CCDC88C: variants seen among roughly 807,000 people sequenced by gnomAD.
The protein encoded by CCDC88C is protein Daple.
Under a neutral mutation model 198.8 loss-of-function variants are expected in CCDC88C, and 131 were observed. That is an observed-to-expected ratio of 0.66 (90% CI 0.57 to 0.76). CCDC88C has a LOEUF of 0.76. CCDC88C is among the 30% of genes least tolerant of loss of function. The pLI, the probability that CCDC88C is intolerant of heterozygous loss-of-function variation, is 0.00. For missense variants in CCDC88C, 2,553 were observed against 2,631.6 expected, an observed-to-expected ratio of 0.97 and a Z score of 0.65; for synonymous variants, 1,166 against 1,114.7, an observed-to-expected ratio of 1.05 and a Z score of -0.92.
At chr14:91,332,654 G>A (rs781068405) in intron 10 of CCDC88C, among the ~76,000 whole-genome samples, 1 of 152,188 alleles carries the variant, frequency 6.6e-6, no homozygotes. Context: ...ACCTGCAAGT[G>A]CTGCACCAAT....
rs751904008 is a variant in CCDC88C, at chr14:91,417,642, G to T, written c.49C>A (p.Leu17Met). The T allele has an allele frequency of 6.3e-7, 1 of 1,591,492 alleles. No homozygotes were observed. Among genetic ancestry groups the T allele is most frequent in the Non-Finnish European group, 8.5e-7 (1 of 1,171,360 alleles). The change falls in exon 1 of 30, where the codon CTG (leucine) becomes ATG (methionine). Residue 17 changes from leucine (L) to methionine (M), a missense_variant. Physicochemically the swap from Leu to Met is conservative, Grantham distance 15 (BLOSUM62 2). Around this residue, in one of 2 missense-constraint regions of CCDC88C, gnomAD observed 1,260 missense variants for 1,412.0 expected, o/e 0.89. Transcript: ENST00000389857. The part of the protein sequence containing the change: ...ELLELFLQSP[L>M]VTWVKTFGPF... ...CCAGGCGCACTCACCCAGGTCACCA[G>T]CGGGCTCTGCAGGAAGAGCTCCAGG...
intron 3 of CCDC88C, among the ~76,000 whole-genome samples, chr14:91,370,653 C>A (rs750185895): frequency 1.3e-5 from 2 of 152,238 alleles, no homozygotes; most frequent in African/African-American, 4.8e-5. Context: ...GGAATGCAAG[C>A]CGGGTCTCTG....
Position 91,293,406 on chromosome 14 carries a change from GCCCCCTCACCTGCCACGGCCCACCT to G in CCDC88C, c.4112+742_4112+766del, listed in dbSNP as rs1890798156. On this transcript the variant is annotated intron_variant, in intron 23 of 29. Transcript: ENST00000389857. ...CTCGCCTGCCACAGCCCACCTTCCT[GCCCCCTCACCTGCCACGGCCCACCT>G]TCCCGTCCTCACCTGCCACGGTCCA... Among the ~76,000 whole-genome samples the G allele has an allele frequency of 6.4e-3, 47 of 7,292 alleles. 1 individual carries two copies. Among genetic ancestry groups the G allele is most frequent in the Admixed American group, 0.011 (7 of 640 alleles). The allele number at this position is 7,292 out of a possible 152,430, so 4.8% of individuals were successfully genotyped here.
chr14:91,278,659 C>T (rs1890068240), intron 28 of CCDC88C, among the ~76,000 whole-genome samples: 1 of 152,134 alleles, frequency 6.6e-6, no homozygotes, highest in South Asian at 2.1e-4. Flanking sequence ...ACTAGTGTTA[C>T]TCTCCCCATT....
chr14:91,305,631 T>G (rs1334380039), intron 19 of CCDC88C, 134 bp downstream of exon 19: 3 of 811,234 alleles, frequency 3.7e-6, no homozygotes, highest in Non-Finnish European at 3.7e-6. Flanking sequence ...GGGTCTCTAT[T>G]AACAAAATCC....
intron 3 of CCDC88C, among the ~76,000 whole-genome samples, chr14:91,377,337 G>A (rs895864123): frequency 2.5e-4 from 38 of 152,334 alleles, no homozygotes; most frequent in Middle Eastern, 3.4e-3. Context: ...CAGTTCACGC[G>A]CATGAGAGCC....
intron 3 of CCDC88C, chr14:91,408,451 A>G: frequency 1.8e-6 from 1 of 555,706 alleles, no homozygotes; most frequent in Non-Finnish European, 3.3e-6. Context: ...ACACAGCTCA[A>G]AGAACATTCA....
Position 91,339,392 on chromosome 14 carries a change from G to A in CCDC88C, c.695C>T (p.Ser232Phe), listed in dbSNP as rs1337224111. 4 of 1,613,508 alleles carry A rather than the reference G, an allele frequency of 2.5e-6. No homozygotes were observed. The highest frequency in any genetic ancestry group is 3.4e-6 in the Non-Finnish European group (4 of 1,179,690). ...GGGGCTGGGAGTGGAGTCGGCGCTG[G>A]AGGACTTGATGGGGCTGGGTGGATG... ...AQHPPSPIKS[S>F]SADSTPSPTS... The change falls in exon 8 of 30, where the codon TCC becomes TTC. Residue 232 changes from serine (S) to phenylalanine (F), a missense_variant. Physicochemically the swap from Ser to Phe is radical, Grantham distance 155. Coordinates refer to ENST00000389857, the MANE Select transcript of CCDC88C (RefSeq NM_001080414.4). This position sits in a 1 kb window ranked among gnomAD's most constrained non-coding sequence, Gnocchi z 5.8.
At chr14:91,292,856 CT>C (rs1890723182) in intron 23 of CCDC88C, among the ~76,000 whole-genome samples, 1 of 152,180 alleles carries the variant, frequency 6.6e-6, no homozygotes, top group Non-Finnish European at 1.5e-5. Flanking sequence ...TTTCTGGAAG[CT>C]TCCCTGGCCC....
Position 91,366,150 on chromosome 14 carries a change from A to AT in CCDC88C, c.271-6440_271-6439insA, listed in dbSNP as rs1567101223. ...TGTGAACATGACAGACCTACTTAAAAAATACACACACACACACACACACAC... is the reference window on the plus strand; with the variant it reads ...TGTGAACATGACAGACCTACTTAAAATAATACACACACACACACACACACAC... On this transcript the variant is annotated intron_variant, in intron 3 of 29. Transcript: ENST00000389857. 3.0e-5 allele frequency among the ~76,000 whole-genome samples: 4 copies of AT among 131,720 alleles called. No individual in the cohort carries two copies. The East Asian group carries it at 9.0e-4, about 30-fold the overall frequency. 86.4% of individuals were successfully genotyped at this position (131,720 alleles called of 152,430 possible). A position where few individuals can be genotyped will look rare whatever the true frequency, so the allele number is the denominator to read the frequency against.
intron 23 of CCDC88C, among the ~76,000 whole-genome samples, chr14:91,293,450 C>A: frequency 8.0e-6 from 1 of 124,266 alleles, no homozygotes; most frequent in East Asian, 2.5e-4. Context: ...TCACCTGCCA[C>A]GGTCCACCTT....
Position 91,339,782 on chromosome 14 carries a change from C to G in CCDC88C, c.624+102G>C, listed in dbSNP as rs1893229377. The G allele has an allele frequency of 7.4e-7, 1 of 1,358,350 alleles. No individual in the cohort carries two copies. Among genetic ancestry groups the G allele is most frequent in the Non-Finnish European group, 9.8e-7 (1 of 1,023,864 alleles). 84.1% of individuals were successfully genotyped at this position (1,358,350 alleles called of 1,614,324 possible). The stretch of plus-strand genomic sequence containing the variant: ...GCACGTCCCACCCCCACCAGAACCT[C>G]AGCAGCAGGACCGAGGCGTCTAGGC... On this transcript the variant is annotated intron_variant, in intron 7 of 29. Coordinates refer to ENST00000389857, the MANE Select transcript of CCDC88C (RefSeq NM_001080414.4). This position sits in a 1 kb window ranked among gnomAD's most constrained non-coding sequence, Gnocchi z 5.8.
chr14:91,300,202 A>G lies in CCDC88C; in HGVS notation c.3636-132T>C, dbSNP rs528506670. 5.2e-5 allele frequency: 69 copies of G among 1,331,158 alleles called. No homozygotes were observed. In the Admixed American group the frequency reaches 1.5e-3, roughly 29 times the overall value. The allele number at this position is 1,331,158 out of a possible 1,614,324, so 82.5% of individuals were successfully genotyped here. A position where few individuals can be genotyped will look rare whatever the true frequency, so the allele number is the denominator to read the frequency against. ...TCTGGAGAGTCTCTCTGCAGAAGTG[A>G]GGGGCATGGGGCAGGGAACAGGCGG... On this transcript the variant is annotated intron_variant, in intron 20 of 29. Transcript: ENST00000389857.
intron 3 of CCDC88C, among the ~76,000 whole-genome samples, chr14:91,376,232 G>A (rs948615471): frequency 2.0e-4 from 31 of 152,320 alleles, no homozygotes; most frequent in Admixed American, 1.4e-3. Flanking sequence ...CCAGGTGCTC[G>A]TCGCCGGGCA....
At chr14:91,415,733 A>AC in intron 2 of CCDC88C, among the ~76,000 whole-genome samples, 1 of 152,068 alleles carries the variant, frequency 6.6e-6, no homozygotes, top group African/African-American at 2.4e-5. Context: ...AAAAAAAAAA[A>AC]AGCAAGGTTC....
chr14:91,372,277 G>T, intron 3 of CCDC88C, among the ~76,000 whole-genome samples: 1 of 152,032 alleles, frequency 6.6e-6, no homozygotes, highest in Admixed American at 6.5e-5. Context: ...CCTGTGGGAT[G>T]GGGGACAGTG....
intron 10 of CCDC88C, among the ~76,000 whole-genome samples, chr14:91,336,739 C>T (rs1041483274): frequency 1.4e-4 from 22 of 152,340 alleles, no homozygotes; most frequent in South Asian, 4.1e-4. Context: ...TGCAAAGACA[C>T]TCCCTGAGTG....
Position 91,313,306 on chromosome 14 carries a change from A to G in CCDC88C, c.2510T>C (p.Leu837Pro). The stretch of plus-strand genomic sequence containing the variant: ...CCACAGCCGCTTGGCCTCCTTCTCC[A>G]GCAGCTTCTTATCCTTCTCGAGCTG... The part of the protein sequence containing the change: ...VAQLEKDKKL[L>P]EKEAKRLWQQ... Residue 837 changes from leucine (L) to proline (P), a missense_variant, in exon 15 of 30, where the codon CTG becomes CCG. Physicochemically the swap from Leu to Pro is moderately conservative, Grantham distance 98. This residue lies in a region of CCDC88C where 1,260 missense variants were observed against 1,412.0 expected (regional missense o/e 0.89). Transcript: ENST00000389857. This position sits in a 1 kb window ranked among gnomAD's most constrained non-coding sequence, Gnocchi z 5.2. 6.2e-7 allele frequency: 1 copy of G among 1,613,818 alleles called. No individual in the cohort carries two copies. The highest frequency in any genetic ancestry group is 8.5e-7 in the Non-Finnish European group (1 of 1,179,868).
chr14:91,402,279 G>GCAA (rs137911583), intron 3 of CCDC88C, among the ~76,000 whole-genome samples: 25,493 of 151,882 alleles, frequency 0.17, 2,728 homozygotes, highest in Non-Finnish European at 0.25. Context: ...GTCTCAAACA[G>GCAA]CAACAACAAC....
Sources: allele counts gnomAD v4.1 joint callset (sites outside exome capture counted in the v4.1 genomes callset), GRCh38; gene constraint gnomAD v4.1.1; regional missense constraint gnomAD v4.1.1; non-coding constraint Gnocchi (gnomAD v3.1); transcripts MANE v1.5; gene names NCBI Gene and HGNC (gene_info 2026-07-23, HGNC 2026-07-21).